The following AKAP13 variants were observed in gnomAD, a reference collection of about 807,000 sequenced individuals.
The protein encoded by AKAP13 is A-kinase anchor protein 13.
A neutral mutation model predicts 264.5 loss-of-function variants in AKAP13; 80 were observed. The observed-to-expected ratio is 0.30, with a 90% confidence interval of 0.25 to 0.36. AKAP13 has a LOEUF of 0.36. Ranked by LOEUF, AKAP13 falls within the 10% of genes least tolerant of loss-of-function variation. The pLI is 1.00. For synonymous variants in AKAP13, 1,380 were observed against 1,250.2 expected (o/e 1.10, Z -2.19); for missense variants, 3,712 against 3,435.2 (o/e 1.08, Z -2.01).
intron 1 of AKAP13, among the ~76,000 whole-genome samples, chr15:85,398,634 C>G (rs1448654762): frequency 6.6e-6 from 1 of 152,166 alleles, no homozygotes; most frequent in Non-Finnish European, 1.5e-5. Flanking sequence ...CTACTCAGTG[C>G]AACCTCTGCC....
In AKAP13 at chr15:85,744,842, A is replaced by C. The variant is rs1042077254; in HGVS notation, c.*165A>C. On this transcript the variant is annotated 3_prime_UTR_variant, in exon 37 of 37. Transcript: ENST00000394518. Reference sequence around the variant, plus strand: ...GGACAATAAGCAACAGATGATATTGAGTGTCGGGTGGGGAAGGAGGCCCAG... The same window carrying C: ...GGACAATAAGCAACAGATGATATTGCGTGTCGGGTGGGGAAGGAGGCCCAG... 4 of 576,908 alleles carry C rather than the reference A, an allele frequency of 6.9e-6. No individual in the cohort carries two copies. The African/African-American group carries it at 7.8e-5, about 11-fold the overall frequency. 35.7% of individuals were successfully genotyped at this position (576,908 alleles called of 1,614,324 possible).
At chr15:85,544,005 C>T in intron 5 of AKAP13, 50 bp downstream of exon 5, 3 of 1,601,212 alleles carry the variant, frequency 1.9e-6, no homozygotes, top group Non-Finnish European at 2.6e-6. Context: ...CAGCCCCACC[C>T]CCGATTCATA....
intron 30 of AKAP13, among the ~76,000 whole-genome samples, chr15:85,734,628 CCTGA>C (rs2088305352): frequency 6.6e-6 from 1 of 152,252 alleles, no homozygotes; most frequent in Admixed American, 6.5e-5. Flanking sequence ...AGCCAGAAAT[CCTGA>C]CTGTTTTACT....
chr15:85,547,225 T>A (rs1170013789), intron 5 of AKAP13, among the ~76,000 whole-genome samples: 3 of 152,358 alleles, frequency 2.0e-5, no homozygotes, highest in African/African-American at 4.8e-5. Context: ...TACTGAAAAG[T>A]CAAGCTTATT....
Position 85,741,028 on chromosome 15 carries a change from C to A in AKAP13, c.7609-18C>A. On this transcript the variant is annotated intron_variant, in intron 34 of 36. Transcript: ENST00000394518. Reference sequence around the variant, plus strand: ...GTCCTGGCCAGAGTTGCAGGGCTCCCCTCTGTGTGCCTCCCAGGGTGTGGT... The same window carrying A: ...GTCCTGGCCAGAGTTGCAGGGCTCCACTCTGTGTGCCTCCCAGGGTGTGGT... 6.3e-7 allele frequency: 1 copy of A among 1,590,214 alleles called. No individual in the cohort carries two copies. Among genetic ancestry groups the A allele is most frequent in the African/African-American group, 1.3e-5 (1 of 74,656 alleles).
Position 85,733,908 on chromosome 15 carries a change from G to A in AKAP13, c.7283-1084G>A, listed in dbSNP as rs1263557286. Among the ~76,000 whole-genome samples the A allele has an allele frequency of 8.9e-5, 4 of 44,742 alleles. No individual in the cohort carries two copies. The East Asian group carries it at 2.5e-3, about 28-fold the overall frequency. 29.4% of individuals were successfully genotyped at this position (44,742 alleles called of 152,430 possible). On this transcript the variant is annotated intron_variant, in intron 30 of 36. Transcript: ENST00000394518. The stretch of plus-strand genomic sequence containing the variant: ...TTTTTTTTTTTTGAGACAGAGTTTT[G>A]CTCCTGTTGCCCAGGCTGCAGTGCA...
At chr15:85,561,117 G>A (rs1319638440) in intron 5 of AKAP13, among the ~76,000 whole-genome samples, 2 of 149,642 alleles carry the variant, frequency 1.3e-5, no homozygotes, top group Non-Finnish European at 3.0e-5. Context: ...GAGTGCAACG[G>A]CGCAATCTCG....
intron 11 of AKAP13, among the ~76,000 whole-genome samples, chr15:85,656,992 A>C (rs2083128177): frequency 6.6e-6 from 1 of 152,188 alleles, no homozygotes; most frequent in African/African-American, 2.4e-5. Flanking sequence ...TCTACAAAAA[A>C]GAAAACAGCC....
chr15:85,391,090 G>GT (rs2070832446), intron 1 of AKAP13, among the ~76,000 whole-genome samples: 1 of 152,172 alleles, frequency 6.6e-6, no homozygotes, highest in South Asian at 2.1e-4. Context: ...TCATGGCATA[G>GT]TAGTTAATAA....
At chr15:85,409,063 T>G (rs2071814962) in intron 1 of AKAP13, among the ~76,000 whole-genome samples, 1 of 151,822 alleles carries the variant, frequency 6.6e-6, no homozygotes, top group East Asian at 1.9e-4. Context: ...TGATTTGCAT[T>G]TTTCTAGTAG....
intron 8 of AKAP13, among the ~76,000 whole-genome samples, chr15:85,603,869 A>G (rs1596678159): frequency 6.6e-6 from 1 of 152,102 alleles, no homozygotes; most frequent in Admixed American, 6.5e-5. Flanking sequence ...GAACAGACCC[A>G]GTGGAATTGC....
chr15:85,584,411 A>G (rs545274761), intron 7 of AKAP13, among the ~76,000 whole-genome samples: 1 of 152,316 alleles, frequency 6.6e-6, no homozygotes, highest in African/African-American at 2.4e-5. Flanking sequence ...GAAAGGAAGG[A>G]GGTACCAAAA....
intron 9 of AKAP13, among the ~76,000 whole-genome samples, chr15:85,639,707 C>T (rs1305276167): frequency 6.6e-6 from 1 of 152,168 alleles, no homozygotes; most frequent in African/African-American, 2.4e-5. Context: ...TGTGCATATA[C>T]ATATGACATA....
intron 2 of AKAP13, among the ~76,000 whole-genome samples, chr15:85,509,900 G>A (rs1265610418): frequency 6.6e-6 from 1 of 152,194 alleles, no homozygotes; most frequent in Non-Finnish European, 1.5e-5. Flanking sequence ...CCTCCGACAT[G>A]TCACCCCTGT....
intron 17 of AKAP13, among the ~76,000 whole-genome samples, chr15:85,700,624 A>G (rs1217953945): frequency 6.6e-6 from 1 of 152,228 alleles, no homozygotes; most frequent in Non-Finnish European, 1.5e-5. Context: ...TCAGGATGTC[A>G]GGTGTTTGGA....
chr15:85,407,128 AT>A (rs1393685261), intron 1 of AKAP13, among the ~76,000 whole-genome samples: 1 of 151,738 alleles, frequency 6.6e-6, no homozygotes, highest in Non-Finnish European at 1.5e-5. Flanking sequence ...AGTGAGAGAT[AT>A]GGAAATTTGT....
At chr15:85,700,675 A>T (rs963222487) in intron 17 of AKAP13, among the ~76,000 whole-genome samples, 3 of 152,260 alleles carry the variant, frequency 2.0e-5, no homozygotes, top group African/African-American at 7.2e-5. Flanking sequence ...TTAAAACTAC[A>T]TAAAAACGTA....
intron 17 of AKAP13, among the ~76,000 whole-genome samples, chr15:85,706,374 T>C (rs1165667912): frequency 6.6e-6 from 1 of 152,218 alleles, no homozygotes; most frequent in East Asian, 1.9e-4. Context: ...CACTTTGTTA[T>C]GCTTCTTGCT....
At chr15:85,415,184 C>G in intron 1 of AKAP13, 1 of 1,241,556 alleles carries the variant, frequency 8.1e-7, no homozygotes, top group South Asian at 1.3e-5. Flanking sequence ...GCTGCCACGC[C>G]GACGCAGACC....
Sources: gnomAD v4.1 joint callset for allele counts (sites outside exome capture counted in the v4.1 genomes callset) on GRCh38, gnomAD v4.1.1 for gene constraint, MANE v1.5 for transcripts, NCBI Gene and HGNC (gene_info 2026-07-23, HGNC 2026-07-21) for gene names.